PTPRN2: variants seen among roughly 807,000 people sequenced by gnomAD.
PTPRN2 encodes the protein receptor-type tyrosine-protein phosphatase N2.
A neutral mutation model predicts 118.8 loss-of-function variants in PTPRN2; 74 were observed. That is an observed-to-expected ratio of 0.62 (90% CI 0.52 to 0.76). The LOEUF (loss-of-function observed/expected upper bound fraction) is 0.76, where lower values mean the gene tolerates loss of function less well. Among genes scored for constraint, PTPRN2 ranks in the 30% least tolerant of loss-of-function variants. The probability of loss-of-function intolerance (pLI) is 0.00; values close to 1 mark genes in which losing one functional copy is unlikely to be tolerated. For missense variants in PTPRN2, 1,481 were observed against 1,394.4 expected (o/e 1.06, Z -0.99); for synonymous variants, 641 against 608.0 (o/e 1.05, Z -0.80).
chr7:158,286,199 G>T (rs1799757543), intron 3 of PTPRN2, among the ~76,000 whole-genome samples: 2 of 152,142 alleles, frequency 1.3e-5, no homozygotes, highest in Non-Finnish European at 2.9e-5. Context: ...TTTTGTCTGT[G>T]GATTTTGTAT....
chr7:158,085,398 G>C (rs554324811), intron 10 of PTPRN2, among the ~76,000 whole-genome samples: 5 of 9,286 alleles, frequency 5.4e-4, no homozygotes, highest in Non-Finnish European at 6.2e-4. Context: ...CCACACCCAC[G>C]ACGCCCATCC....
At chr7:157,546,379 C>A (rs1430165773) in intron 22 of PTPRN2, among the ~76,000 whole-genome samples, 1 of 152,186 alleles carries the variant, frequency 6.6e-6, no homozygotes, top group African/African-American at 2.4e-5. Context: ...GAATCCATCA[C>A]CGAGGAATTA....
chr7:158,217,510 G>T (rs754297584), intron 3 of PTPRN2, among the ~76,000 whole-genome samples: 7 of 152,202 alleles, frequency 4.6e-5, no homozygotes, highest in Non-Finnish European at 7.3e-5. Flanking sequence ...ACTCACAGAT[G>T]AGAAAACAGC....
chr7:158,082,814 G>A (rs145778346), intron 10 of PTPRN2, among the ~76,000 whole-genome samples: 161 of 152,282 alleles, frequency 1.1e-3, no homozygotes, highest in African/African-American at 3.1e-3. Context: ...GACTTCCTGC[G>A]TCCAGCTCTA....
intron 12 of PTPRN2, among the ~76,000 whole-genome samples, chr7:157,687,532 A>T (rs181134610): frequency 9.8e-5 from 15 of 152,312 alleles, no homozygotes; most frequent in Non-Finnish European, 2.1e-4. Context: ...ATTTCTAAGG[A>T]ATCAGATTTC....
chr7:158,036,782 T>C (rs1808117008), intron 11 of PTPRN2, among the ~76,000 whole-genome samples: 1 of 152,160 alleles, frequency 6.6e-6, no homozygotes, highest in South Asian at 2.1e-4. Context: ...AATAAAATCC[T>C]TCAGAAATAA....
chr7:157,924,627 C>T (rs958668812), intron 11 of PTPRN2, among the ~76,000 whole-genome samples: 2 of 152,234 alleles, frequency 1.3e-5, no homozygotes, highest in African/African-American at 4.8e-5. Flanking sequence ...GGGAGGACAC[C>T]TCGCTTTATT....
intron 12 of PTPRN2, among the ~76,000 whole-genome samples, chr7:157,877,177 C>A (rs899223305): frequency 1.4e-5 from 2 of 147,700 alleles, no homozygotes; most frequent in Non-Finnish European, 3.0e-5. Context: ...AGTGCAGCAC[C>A]AGGGTTTCCT....
At chr7:157,722,570 T>C (rs1262639203) in intron 12 of PTPRN2, among the ~76,000 whole-genome samples, 2 of 152,216 alleles carry the variant, frequency 1.3e-5, no homozygotes, top group African/African-American at 2.4e-5. Flanking sequence ...TGCACTGAAA[T>C]GTGTGGACTT....
chr7:157,644,010 A>G (rs1366596346), intron 14 of PTPRN2, among the ~76,000 whole-genome samples: 1 of 152,228 alleles, frequency 6.6e-6, no homozygotes, highest in Non-Finnish European at 1.5e-5. Flanking sequence ...ATGCGCTACA[A>G]GCTACCAGAA....
intron 2 of PTPRN2, among the ~76,000 whole-genome samples, chr7:158,364,701 G>A (rs1809295226): frequency 1.3e-5 from 2 of 152,176 alleles, no homozygotes; most frequent in Non-Finnish European, 2.9e-5. Context: ...CAGCTGGGAA[G>A]TCGTCATCCA....
At chr7:158,502,530 C>T (rs1423715124) in intron 1 of PTPRN2, among the ~76,000 whole-genome samples, 1 of 152,198 alleles carries the variant, frequency 6.6e-6, no homozygotes, top group Non-Finnish European at 1.5e-5. Context: ...CAGCCCCACC[C>T]CTGCTCCTCG....
At chr7:157,776,555 T>C (rs371968311) in intron 12 of PTPRN2, among the ~76,000 whole-genome samples, 90 of 15,446 alleles carry the variant, frequency 5.8e-3, no homozygotes, top group Admixed American at 0.017. Flanking sequence ...TCTCCTCCTC[T>C]CTCTCCTTCT....
chr7:157,756,435 A>G (rs1268623867), intron 12 of PTPRN2, among the ~76,000 whole-genome samples: 1 of 151,944 alleles, frequency 6.6e-6, no homozygotes, highest in Non-Finnish European at 1.5e-5. Context: ...ACCTGGGATT[A>G]CAGGTGTCCG....
At chr7:158,334,098 G>C (rs79274448) in intron 2 of PTPRN2, among the ~76,000 whole-genome samples, 14 of 59,622 alleles carry the variant, frequency 2.3e-4, no homozygotes, top group South Asian at 8.3e-4. Flanking sequence ...CATAAGAGGT[G>C]ACACCTGCAG....
At chr7:158,076,700 T>C (rs74793990) in intron 11 of PTPRN2, among the ~76,000 whole-genome samples, 4,853 of 152,192 alleles carry the variant, frequency 0.032, 271 homozygotes, top group African/African-American at 0.11. Flanking sequence ...CTTCAGCCCC[T>C]GAGACCCACG....
chr7:157,745,412 G>C (rs1411202476), intron 12 of PTPRN2, among the ~76,000 whole-genome samples: 1 of 152,140 alleles, frequency 6.6e-6, no homozygotes, highest in African/African-American at 2.4e-5. Flanking sequence ...TGGGGGAGAG[G>C]ACAGGCTGCG....
intron 6 of PTPRN2, among the ~76,000 whole-genome samples, chr7:158,164,802 G>A (rs545934595): frequency 1.1e-4 from 17 of 152,324 alleles, no homozygotes; most frequent in Admixed American, 3.9e-4. Context: ...ATAGAGGTGG[G>A]AGAATGCAGG....
At chr7:157,876,845 C>G (rs184640882) in intron 12 of PTPRN2, among the ~76,000 whole-genome samples, 2 of 152,208 alleles carry the variant, frequency 1.3e-5, no homozygotes, top group Non-Finnish European at 2.9e-5. Flanking sequence ...CGGGGGCATG[C>G]CGGGGGAGCC....
Sources: gnomAD v4.1 joint callset for allele counts (sites outside exome capture counted in the v4.1 genomes callset) on GRCh38, gnomAD v4.1.1 for gene constraint, MANE v1.5 for transcripts, NCBI Gene and HGNC (gene_info 2026-07-23, HGNC 2026-07-21) for gene names.